The following AP1G1 variants were observed in gnomAD, a reference collection of about 807,000 sequenced individuals.
AP1G1 encodes the protein adaptor related protein complex 1 subunit gamma 1.
AP1G1 carries 7 observed loss-of-function variants against 108.3 expected under a neutral mutation model. The ratio of observed to expected loss-of-function variants is 0.06; its 90% CI spans 0.04 to 0.12. The LOEUF is 0.12. AP1G1 is among the 10% of genes least tolerant of loss of function. AP1G1 has a pLI of 1.00. For synonymous variants in AP1G1, 379 were observed against 353.5 expected (o/e 1.07, Z -0.81); for missense variants, 756 against 1,010.7 (o/e 0.75, Z 3.42).
At position 71,748,467 on chromosome 16, in the gene AP1G1, G is replaced by A; in HGVS notation, c.1498-89C>T. 4.9e-6 allele frequency: 7 copies of A among 1,417,002 alleles called. No individual in the cohort carries two copies. The South Asian group carries it at 6.6e-5, about 13-fold the overall frequency. The allele number at this position is 1,417,002 out of a possible 1,614,324, so 87.8% of individuals were successfully genotyped here. On this transcript the variant is annotated intron_variant, in intron 15 of 22. Transcript: ENST00000299980. ...GATATCAAGTCAGGGGAAGCAGCCA[G>A]AAAGACAATCCTACCGTTACAAAAG...
At chr16:71,805,762 A>C (rs2142292181) in intron 1 of AP1G1, among the ~76,000 whole-genome samples, 1 of 152,232 alleles carries the variant, frequency 6.6e-6, no homozygotes, top group South Asian at 2.1e-4. Context: ...TGGCCAGGTG[A>C]GGTGGCTCAC....
chr16:71,799,295 G>A (rs898530129), intron 1 of AP1G1, among the ~76,000 whole-genome samples: 5 of 152,014 alleles, frequency 3.3e-5, no homozygotes, highest in Non-Finnish European at 7.4e-5. Context: ...TCCCCCTTTG[G>A]AGACTACAGA....
chr16:71,794,428 G>A (rs192751691), intron 1 of AP1G1, among the ~76,000 whole-genome samples: 1 of 152,068 alleles, frequency 6.6e-6, no homozygotes, highest in Admixed American at 6.6e-5. Context: ...AACAAGGATG[G>A]AAAGCGAACA....
At chr16:71,784,221 T>C (rs1003402119) in intron 2 of AP1G1, among the ~76,000 whole-genome samples, 1 of 152,166 alleles carries the variant, frequency 6.6e-6, no homozygotes, top group African/African-American at 2.4e-5. Flanking sequence ...ATCTTCATAA[T>C]AACACTATAA....
At chr16:71,780,505 A>AC (rs1240079806) in intron 2 of AP1G1, among the ~76,000 whole-genome samples, 3 of 151,636 alleles carry the variant, frequency 2.0e-5, no homozygotes, top group African/African-American at 7.3e-5. Flanking sequence ...TTTAAAAAAA[A>AC]AAAAAAAAAA....
At position 71,756,032 on chromosome 16, in the gene AP1G1, G is replaced by C. The variant is rs769958222; in HGVS notation, c.1216C>G (p.Leu406Val). Residue 406 changes from leucine (L) to valine (V), a missense_variant, in exon 12 of 23, where the codon CTT becomes GTT. Physicochemically the swap from Leu to Val is conservative, Grantham distance 32. Transcript: ENST00000299980. ...ATTAAATCTTACTTTTCTGCAGCAA[G>C]AAAGATTCCAGATGCACAGTCTGCT... is the stretch of plus-strand genomic sequence containing the variant. ...FKADCASGIF[L>V]AAEKYAPSKR... is the part of the protein sequence containing the mutation. The C allele has an allele frequency of 6.2e-7, 1 of 1,608,076 alleles. No homozygotes were observed. Among genetic ancestry groups the C allele is most frequent in the African/African-American group, 1.3e-5 (1 of 74,602 alleles).
At chr16:71,748,519 G>A in intron 15 of AP1G1, 141 bp from the exon 16 acceptor site, 1 of 1,028,730 alleles carries the variant, frequency 9.7e-7, no homozygotes, top group Admixed American at 2.9e-5. Context: ...TGCTTTGCCA[G>A]GGTAACTGTC....
intron 1 of AP1G1, among the ~76,000 whole-genome samples, chr16:71,794,679 G>A (rs2032515398): frequency 6.6e-6 from 1 of 151,762 alleles, no homozygotes; most frequent in Non-Finnish European, 1.5e-5. Context: ...GGAAAAAAAT[G>A]TAAATAGAAG....
chr16:71,756,316 A>T lies in AP1G1; in HGVS notation c.1089-157T>A, dbSNP rs892463136. 3 of 578,906 alleles carry T rather than the reference A, an allele frequency of 5.2e-6. No individual in the cohort carries two copies. The African/African-American group carries it at 5.8e-5, about 11-fold the overall frequency. 35.9% of individuals were successfully genotyped at this position (578,906 alleles called of 1,614,324 possible). A position where few individuals can be genotyped will look rare whatever the true frequency, so the allele number is the denominator to read the frequency against. On this transcript the variant is annotated intron_variant, in intron 11 of 22. Coordinates refer to ENST00000299980, the MANE Select transcript of AP1G1 (RefSeq NM_001128.6). ...ATCTTTGCACACGAAATAACCAAGGAGATGTATTCTTACATAATCAAAGTT... is the reference window on the plus strand; with the variant it reads ...ATCTTTGCACACGAAATAACCAAGGTGATGTATTCTTACATAATCAAAGTT...
intron 7 of AP1G1, among the ~76,000 whole-genome samples, 179 bp from the exon 8 acceptor site, chr16:71,764,905 G>A (rs1044690950): frequency 6.6e-6 from 1 of 152,138 alleles, no homozygotes; most frequent in Non-Finnish European, 1.5e-5. Flanking sequence ...ATTTAGAGAA[G>A]CTATATATGC....
At chr16:71,751,895 T>G (rs2030526748) in intron 13 of AP1G1, among the ~76,000 whole-genome samples, 1 of 152,030 alleles carries the variant, frequency 6.6e-6, no homozygotes, top group South Asian at 2.1e-4. Flanking sequence ...TATTTGGAGA[T>G]TAAAAGAACA....
At chr16:71,736,993 G>C (rs927719587) in intron 21 of AP1G1, among the ~76,000 whole-genome samples, 2 of 152,130 alleles carry the variant, frequency 1.3e-5, no homozygotes, top group Admixed American at 6.5e-5. Context: ...TAAGTCACTA[G>C]AGCAGCAGCC....
At chr16:71,770,483 A>T (rs916308369) in intron 5 of AP1G1, among the ~76,000 whole-genome samples, 1 of 152,236 alleles carries the variant, frequency 6.6e-6, no homozygotes, top group Non-Finnish European at 1.5e-5. Flanking sequence ...AAGAATTCTC[A>T]CAATTTTTGA....
At chr16:71,736,308 C>A (rs991282416) in intron 21 of AP1G1, among the ~76,000 whole-genome samples, 3 of 148,468 alleles carry the variant, frequency 2.0e-5, no homozygotes, top group Non-Finnish European at 4.5e-5. Flanking sequence ...TGACAAGATA[C>A]CAATTTTTAA....
intron 6 of AP1G1, among the ~76,000 whole-genome samples, chr16:71,767,112 GA>G (rs2031348530): frequency 6.6e-6 from 1 of 151,738 alleles, no homozygotes; most frequent in Admixed American, 6.6e-5. Flanking sequence ...TTATTTCTTG[GA>G]AAAGTCATTT....
rs2045455613 is a variant in AP1G1 at position 71,729,236 on chromosome 16, TAATA to T, written c.*3818_*3821del. The stretch of plus-strand genomic sequence containing the variant: ...GCTGTCCCACTTGGAAACAGCTTTT[TAATA>T]TTTTTACAGTAAAGAAGATGTGATG... On this transcript the variant is annotated 3_prime_UTR_variant, in exon 23 of 23. Transcript: ENST00000299980. The T allele has an allele frequency of 6.6e-6, 1 of 152,232 alleles. No individual in the cohort carries two copies. The highest frequency in any genetic ancestry group is 1.5e-5 in the Non-Finnish European group (1 of 67,828). 9.4% of individuals were successfully genotyped at this position (152,232 alleles called of 1,614,324 possible).
At chr16:71,756,216 A>G (rs892189334) in intron 11 of AP1G1, 57 bp from the exon 12 acceptor site, 1 of 1,542,300 alleles carries the variant, frequency 6.5e-7, no homozygotes, top group African/African-American at 1.4e-5. Context: ...AATGAAACAA[A>G]GACCCAGGTA....
chr16:71,772,890 C>A, intron 4 of AP1G1: 1 of 357,390 alleles, frequency 2.8e-6, no homozygotes, highest in South Asian at 2.3e-5. Flanking sequence ...GACACAAAGG[C>A]ACTAATACAA....
intron 13 of AP1G1, among the ~76,000 whole-genome samples, chr16:71,750,852 T>A (rs976421932): frequency 7.2e-5 from 11 of 152,004 alleles, no homozygotes; most frequent in Non-Finnish European, 1.2e-4. Flanking sequence ...ATTTTATTTT[T>A]AAAAATTTTC....
Sources: allele counts gnomAD v4.1 joint callset (sites outside exome capture counted in the v4.1 genomes callset), GRCh38; gene constraint gnomAD v4.1.1; transcripts MANE v1.5; gene names NCBI Gene and HGNC (gene_info 2026-07-23, HGNC 2026-07-21).